NUP62CL: variants seen among roughly 807,000 people sequenced by gnomAD.
NUP62CL encodes nucleoporin 62 C-terminal like.
In NUP62CL, 13 loss-of-function variants were observed where a neutral mutation model predicts 15.3. The ratio of observed to expected loss-of-function variants is 0.85; its 90% confidence interval spans 0.55 to 1.35. The LOEUF (loss-of-function observed/expected upper bound fraction) is 1.35, where lower values mean the gene tolerates loss of function less well. NUP62CL is among the 40% of genes most tolerant of loss of function. The probability of loss-of-function intolerance (pLI) is 0.00; values close to 1 mark genes in which losing one functional copy is unlikely to be tolerated. For missense variants in NUP62CL, 123 were observed against 130.6 expected, an observed-to-expected ratio of 0.94 and a Z score of 0.28; for synonymous variants, 54 against 49.2, an observed-to-expected ratio of 1.10 and a Z score of -0.41.
rs1486260342 is a variant in NUP62CL, at chrX:107,165,023, C to T, written c.194+2626G>A. 6.2e-5 allele frequency among the ~76,000 whole-genome samples: 7 copies of T among 112,636 alleles called. No individual in the cohort carries two copies. The Admixed American group carries it at 6.5e-4, about 11-fold the overall frequency. ...GGCTGAGGCAGGAGAATGGCGTGAACCTGGGAGGCGGAGCTTGCAGTGAGC... is the reference window on the plus strand; with the variant it reads ...GGCTGAGGCAGGAGAATGGCGTGAATCTGGGAGGCGGAGCTTGCAGTGAGC... On this transcript the variant is annotated intron_variant, in intron 4 of 8. Coordinates refer to ENST00000372466, the MANE Select transcript of NUP62CL (RefSeq NM_017681.3).
At chrX:107,162,543 G>A (rs181864754) in intron 4 of NUP62CL, among the ~76,000 whole-genome samples, 12 of 111,694 alleles carry the variant, frequency 1.1e-4, no homozygotes, top group Non-Finnish European at 2.3e-4. Flanking sequence ...CAGATTTCTC[G>A]TCTAAAACCA....
Position 107,153,310 on chromosome X carries a change from A to G in NUP62CL, c.396-4T>C. ...AAAATCCAATTCTTGTTCCAATCTG[A>G]ATAAAATAAGTTAATAAAAAGGCTG... On this transcript the variant is annotated splice_region_variant and splice_polypyrimidine_tract_variant and intron_variant, in intron 6 of 8. Coordinates refer to ENST00000372466, the MANE Select transcript of NUP62CL (RefSeq NM_017681.3). 1 of 1,202,532 alleles carries G rather than the reference A, an allele frequency of 8.3e-7. No homozygotes were observed. The highest frequency in any genetic ancestry group is 1.1e-6 in the Non-Finnish European group (1 of 890,818).
In NUP62CL at chrX:107,154,820, T is replaced by C. The variant is rs753801266; in HGVS notation, c.195-574A>G. ...GTGTCAGCACGGCTCAGTGGGAAGGTAATCATCAATTCCCTAAGTGGAAGA... is the reference window on the plus strand; with the variant it reads ...GTGTCAGCACGGCTCAGTGGGAAGGCAATCATCAATTCCCTAAGTGGAAGA... On this transcript the variant is annotated intron_variant, in intron 4 of 8. Coordinates refer to ENST00000372466, the MANE Select transcript of NUP62CL (RefSeq NM_017681.3). Among the ~76,000 whole-genome samples, 324 of 111,661 alleles carry C rather than the reference T, an allele frequency of 2.9e-3. 3 individuals carry two copies. Among genetic ancestry groups the C allele is most frequent in the African/African-American group, 9.9e-3 (305 of 30,705 alleles).
At chrX:107,186,506 T>C (rs1389412486) in intron 2 of NUP62CL, among the ~76,000 whole-genome samples, 2 of 111,923 alleles carry the variant, frequency 1.8e-5, no homozygotes, top group Non-Finnish European at 3.8e-5. Flanking sequence ...TCTAGACTTG[T>C]TCATCCTACA....
intron 4 of NUP62CL, among the ~76,000 whole-genome samples, chrX:107,160,595 C>T (rs10436746): frequency 2.6e-4 from 29 of 111,182 alleles, no homozygotes; most frequent in South Asian, 1.5e-3. Context: ...AAGCTGAAAC[C>T]GGATCCCTTC....
intron 3 of NUP62CL, among the ~76,000 whole-genome samples, chrX:107,170,213 C>A (rs1926615856): frequency 9.1e-6 from 1 of 109,965 alleles, no homozygotes; most frequent in African/African-American, 3.3e-5. Flanking sequence ...AATGTGTACA[C>A]ACACACACAC....
intron 2 of NUP62CL, among the ~76,000 whole-genome samples, chrX:107,190,927 G>C (rs752057412): frequency 9.2e-6 from 1 of 108,969 alleles, no homozygotes; most frequent in Non-Finnish European, 1.9e-5. Context: ...AGTGGATGCT[G>C]TCACCTCATG....
chrX:107,166,831 T>C (rs1926526224), intron 4 of NUP62CL, among the ~76,000 whole-genome samples: 1 of 111,608 alleles, frequency 9.0e-6, no homozygotes, highest in Non-Finnish European at 1.9e-5. Flanking sequence ...AAAGGTCACA[T>C]ATATATGACT....
intron 2 of NUP62CL, among the ~76,000 whole-genome samples, chrX:107,184,328 A>AG (rs1443445172): frequency 1.7e-3 from 178 of 106,570 alleles, no homozygotes; most frequent in East Asian, 7.5e-3. Context: ...AGAAAGAAAG[A>AG]AAGAAAGAAA....
rs763131974 is a variant in NUP62CL at position 107,133,119 on chromosome X, G to A, written c.*43-8787C>T. Among the ~76,000 whole-genome samples the A allele has an allele frequency of 3.6e-5, 4 of 111,215 alleles. 1 individual carries two copies. The South Asian group carries it at 1.5e-3, about 43-fold the overall frequency. ...GTCTGTTAGCTGAGGGTCATTTCTA[G>A]CTTCTGAAGGCTGCCTTCATTCCTT... On this transcript the variant is annotated intron_variant, in intron 8 of 8. Coordinates refer to ENST00000372466, the MANE Select transcript of NUP62CL (RefSeq NM_017681.3).
chrX:107,139,764 A>C (rs1057300438), intron 8 of NUP62CL, among the ~76,000 whole-genome samples: 1 of 111,981 alleles, frequency 8.9e-6, no homozygotes, highest in Non-Finnish European at 1.9e-5. Context: ...GCTGTTTAAA[A>C]GCAACCTTGA....
chrX:107,169,598 T>C (rs764015350), intron 3 of NUP62CL, among the ~76,000 whole-genome samples: 16 of 112,050 alleles, frequency 1.4e-4, no homozygotes, highest in Non-Finnish European at 2.8e-4. Flanking sequence ...GGAGTCACTA[T>C]GGTTAGAACA....
intron 2 of NUP62CL, among the ~76,000 whole-genome samples, chrX:107,181,821 T>A (rs1444219485): frequency 8.9e-6 from 1 of 112,411 alleles, no homozygotes; most frequent in Non-Finnish European, 1.9e-5. Flanking sequence ...GTCATGCATA[T>A]TTTTAAAAGT....
chrX:107,175,926 A>T (rs894947231), intron 2 of NUP62CL, among the ~76,000 whole-genome samples: 1 of 111,063 alleles, frequency 9.0e-6, no homozygotes, highest in African/African-American at 3.3e-5. Context: ...ACTCTACCCC[A>T]AGTAGAGAAG....
At chrX:107,200,614 G>A (rs190442148) in intron 1 of NUP62CL, among the ~76,000 whole-genome samples, 3 of 102,293 alleles carry the variant, frequency 2.9e-5, no homozygotes, top group East Asian at 3.2e-4. Context: ...GCGAGATTCC[G>A]TCTCAAAAAA....
At chrX:107,195,812 CA>C (rs58841793) in intron 1 of NUP62CL, among the ~76,000 whole-genome samples, 34,080 of 110,552 alleles carry the variant, frequency 0.31, 5,036 homozygotes, top group African/African-American at 0.56. Flanking sequence ...CCAAGTGTAC[CA>C]CTTTCCTGAG....
chrX:107,146,295 C>G lies in NUP62CL; in HGVS notation c.*42+1448G>C, dbSNP rs772473727. 1.9e-3 allele frequency among the ~76,000 whole-genome samples: 215 copies of G among 111,711 alleles called. 1 individual carries two copies. The highest frequency in any genetic ancestry group is 6.6e-3 in the African/African-American group (205 of 30,848). On this transcript the variant is annotated intron_variant, in intron 8 of 8. Coordinates refer to ENST00000372466, the MANE Select transcript of NUP62CL (RefSeq NM_017681.3). Reference sequence around the variant, plus strand: ...TTTTAGCATTCATTGATGATCCTTGCCTGAATCAATGATTGTGCTGGGGTT... The same window carrying G: ...TTTTAGCATTCATTGATGATCCTTGGCTGAATCAATGATTGTGCTGGGGTT...
intron 1 of NUP62CL, among the ~76,000 whole-genome samples, chrX:107,197,272 A>T (rs1237406623): frequency 2.7e-5 from 3 of 111,866 alleles, no homozygotes; most frequent in African/African-American, 9.7e-5. Context: ...CACAGAGTTA[A>T]ATTTATATTT....
chrX:107,167,959 C>T (rs956884110), intron 3 of NUP62CL, among the ~76,000 whole-genome samples, 175 bp from the exon 4 acceptor site: 4 of 111,310 alleles, frequency 3.6e-5, no homozygotes, highest in Non-Finnish European at 7.5e-5. Context: ...AGGCCAGGTA[C>T]CTGGATTAAC....
Sources: allele counts gnomAD v4.1 joint callset (sites outside exome capture counted in the v4.1 genomes callset), GRCh38; gene constraint gnomAD v4.1.1; transcripts MANE v1.5; gene names NCBI Gene and HGNC (gene_info 2026-07-23, HGNC 2026-07-21).